The following MICAL2 variants were observed in gnomAD, a reference collection of about 807,000 sequenced individuals.
MICAL2 encodes the protein microtubule associated monooxygenase, calponin and LIM domain containing 2.
MICAL2 carries 77 observed loss-of-function variants against 127.3 expected under a neutral mutation model. The observed-to-expected ratio is 0.60, with a 90% CI of 0.50 to 0.73. The LOEUF (loss-of-function observed/expected upper bound fraction) is 0.73. Ranked by LOEUF, MICAL2 falls within the 30% of genes least tolerant of loss-of-function variation. The pLI, the probability that MICAL2 is intolerant of heterozygous loss-of-function variation, is 0.00. For synonymous variants in MICAL2, 570 were observed against 551.1 expected, an observed-to-expected ratio of 1.03 and a Z score of -0.48; for missense variants, 1,351 against 1,434.4, an observed-to-expected ratio of 0.94 and a Z score of 0.94.
At chr11:12,309,311 A>T (rs1485188723) in intron 29 of MICAL2, among the ~76,000 whole-genome samples, 1 of 152,124 alleles carries the variant, frequency 6.6e-6, no homozygotes, top group African/African-American at 2.4e-5. Context: ...TGTACCCATT[A>T]CCCAGCTTCC....
At chr11:12,209,926 G>C (rs534885653) in intron 6 of MICAL2, among the ~76,000 whole-genome samples, 6 of 152,142 alleles carry the variant, frequency 3.9e-5, no homozygotes, top group Non-Finnish European at 7.3e-5. Context: ...TGTCATGGGG[G>C]AAAAATGAAC....
At chr11:12,123,441 G>A (rs932786250) in intron 1 of MICAL2, among the ~76,000 whole-genome samples, 2 of 152,058 alleles carry the variant, frequency 1.3e-5, no homozygotes, top group African/African-American at 4.8e-5. Context: ...GTCAGTTCTG[G>A]TGTTTTCTTG....
chr11:12,121,110 A>G (rs923492814), intron 1 of MICAL2, among the ~76,000 whole-genome samples: 2 of 152,188 alleles, frequency 1.3e-5, no homozygotes, highest in African/African-American at 4.8e-5. Flanking sequence ...AGGATATGGG[A>G]CATCTGTCAC....
chr11:12,152,784 A>G (rs1159963093), intron 2 of MICAL2, among the ~76,000 whole-genome samples: 1 of 152,210 alleles, frequency 6.6e-6, no homozygotes, highest in Non-Finnish European at 1.5e-5. Flanking sequence ...AACCAATAAA[A>G]AACAGCAAAT....
chr11:12,276,155 C>T (rs992306756), exon 1 of MICAL2: 7 of 399,082 alleles, frequency 1.8e-5, no homozygotes, highest in African/African-American at 1.0e-4. Context: ...TGGTCACCAG[C>T]GAAGACAGCA....
At chr11:12,185,884 A>G (rs1164975972) in intron 3 of MICAL2, among the ~76,000 whole-genome samples, 1 of 152,244 alleles carries the variant, frequency 6.6e-6, no homozygotes, top group African/African-American at 2.4e-5. Context: ...GCCTGCGATC[A>G]TGTTTTCAAA....
intron 26 of MICAL2, 110 bp downstream of exon 26, chr11:12,260,007 G>T (rs1862883462): frequency 6.4e-7 from 1 of 1,551,844 alleles, no homozygotes; most frequent in African/African-American, 1.4e-5. Context: ...TCCATATCAG[G>T]GACAATGCTT....
chr11:12,135,796 T>G (rs767877845), intron 1 of MICAL2, among the ~76,000 whole-genome samples: 1 of 152,178 alleles, frequency 6.6e-6, no homozygotes, highest in Non-Finnish European at 1.5e-5. Context: ...CCTGAGTCTT[T>G]GTCCACAGTC....
intron 1 of MICAL2, among the ~76,000 whole-genome samples, chr11:12,134,621 TA>T (rs1269600922): frequency 3.9e-5 from 6 of 152,196 alleles, no homozygotes; most frequent in Admixed American, 2.0e-4. Flanking sequence ...TTGGTGATGA[TA>T]AAGCAGGCAC....
chr11:12,294,920 C>T, downstream of MICAL2: 1 of 1,393,158 alleles, frequency 7.2e-7, no homozygotes, highest in Non-Finnish European at 9.3e-7. Flanking sequence ...ATCTTCATTG[C>T]ATCGACAAGC....
chr11:12,172,196 G>T (rs1042954511), intron 3 of MICAL2, among the ~76,000 whole-genome samples: 1 of 152,162 alleles, frequency 6.6e-6, no homozygotes, highest in African/African-American at 2.4e-5. Flanking sequence ...TCTTTATCAC[G>T]CAGGCAAAAG....
At chr11:12,276,923 G>A (rs1863727761) in intron 1 of MICAL2, among the ~76,000 whole-genome samples, 1 of 152,176 alleles carries the variant, frequency 6.6e-6, no homozygotes, top group South Asian at 2.1e-4. Context: ...AGAGTGGCTG[G>A]TCAGCTGCCT....
intron 3 of MICAL2, among the ~76,000 whole-genome samples, chr11:12,169,529 G>T (rs1046234683): frequency 6.6e-6 from 1 of 152,178 alleles, no homozygotes; most frequent in African/African-American, 2.4e-5. Context: ...GGGACTACAG[G>T]CGTGAGCAAC....
chr11:12,312,184 G>A (rs1207705205), intron 29 of MICAL2, among the ~76,000 whole-genome samples: 3 of 151,368 alleles, frequency 2.0e-5, no homozygotes, highest in South Asian at 2.1e-4. Flanking sequence ...TCAAATTTTC[G>A]CTTTGTTGAT....
chr11:12,349,048 C>A (rs541096389), intron 32 of MICAL2, among the ~76,000 whole-genome samples: 1 of 152,266 alleles, frequency 6.6e-6, no homozygotes, highest in Non-Finnish European at 1.5e-5. Flanking sequence ...GCGTATGGGA[C>A]CCTCCAGGAT....
chr11:12,168,929 A>C (rs1475909516), intron 3 of MICAL2, among the ~76,000 whole-genome samples: 1 of 134,750 alleles, frequency 7.4e-6, no homozygotes, highest in African/African-American at 2.8e-5. Context: ...CCTGGGCAAC[A>C]GAGCAAGATC....
chr11:12,262,317 T>C, intron 26 of MICAL2, 163 bp from the exon 27 acceptor site: 1 of 1,478,186 alleles, frequency 6.8e-7, no homozygotes, highest in Non-Finnish European at 8.9e-7. Context: ...TCATCTCTCC[T>C]AAGCAAACAG....
upstream of MICAL2, among the ~76,000 whole-genome samples, chr11:12,274,903 T>C (rs1276188585): frequency 6.6e-6 from 1 of 151,792 alleles, no homozygotes; most frequent in Non-Finnish European, 1.5e-5. Flanking sequence ...GTGTTGAGAA[T>C]AGACTGTGGG....
intron 1 of MICAL2, among the ~76,000 whole-genome samples, chr11:12,126,783 G>A (rs887761274): frequency 1.3e-5 from 2 of 152,128 alleles, no homozygotes; most frequent in African/African-American, 4.8e-5. Context: ...CCACAAGGTA[G>A]TTCATGACTA....
Sources: gnomAD v4.1 joint callset for allele counts (sites outside exome capture counted in the v4.1 genomes callset) on GRCh38, gnomAD v4.1.1 for gene constraint, MANE v1.5 for transcripts, NCBI Gene and HGNC (gene_info 2026-07-23, HGNC 2026-07-21) for gene names.